Variants in ANKRD52 observed in about 807,000 individuals in gnomAD.
The protein encoded by ANKRD52 is serine/threonine-protein phosphatase 6 regulatory ankyrin repeat subunit C.
In ANKRD52, 7 loss-of-function variants were observed where a neutral mutation model predicts 116.0. The ratio of observed to expected loss-of-function variants is 0.06; its 90% CI spans 0.03 to 0.11. ANKRD52 has a LOEUF of 0.11. Ranked by LOEUF, ANKRD52 falls within the 10% of genes least tolerant of loss-of-function variation. The probability of loss-of-function intolerance (pLI) is 1.00; values close to 1 mark genes in which losing one functional copy is unlikely to be tolerated. For synonymous variants in ANKRD52, 528 were observed against 578.1 expected, an observed-to-expected ratio of 0.91 and a Z score of 1.24; for missense variants, 839 against 1,408.6, an observed-to-expected ratio of 0.60 and a Z score of 6.47.
Position 56,248,483 on chromosome 12 carries a change from C to T in ANKRD52, c.1776+12G>A, listed in dbSNP as rs764745390. 1.6e-5 allele frequency: 25 copies of T among 1,587,018 alleles called. No individual in the cohort carries two copies. Among genetic ancestry groups the T allele is most frequent in the South Asian group, 1.3e-4 (11 of 86,758 alleles). The stretch of plus-strand genomic sequence containing the variant: ...GACAAGGAAGGCAACAGAAAAAAGA[C>T]GTGGGACTCACAGCTAAGTGCAAAG... On this transcript the variant is annotated intron_variant, in intron 17 of 27. Coordinates refer to ENST00000267116, the MANE Select transcript of ANKRD52 (RefSeq NM_173595.4). The surrounding 1 kb of genome is among the most constrained non-coding windows in gnomAD (Gnocchi z 5.1).
intron 2 of ANKRD52, 114 bp from the exon 3 acceptor site, chr12:56,257,475 C>T: frequency 1.0e-6 from 1 of 975,538 alleles, no homozygotes; most frequent in Non-Finnish European, 1.6e-6. Context: ...CCCATAGTTT[C>T]TGCAGCGTCC....
Position 56,237,847 on chromosome 12 carries a change from G to A in ANKRD52, c.*5295C>T. 8.0e-7 allele frequency: 1 copy of A among 1,251,776 alleles called. No individual in the cohort carries two copies. The highest frequency in any genetic ancestry group is 1.1e-6 in the Non-Finnish European group (1 of 935,462). 77.5% of individuals were successfully genotyped at this position (1,251,776 alleles called of 1,614,324 possible). A position where few individuals can be genotyped will look rare whatever the true frequency, so the allele number is the denominator to read the frequency against. ...TTTAATAAACAGAACCCATCCCAAAGCCATGACTACGACAGTTGTACTTGC... is the reference window on the plus strand; with the variant it reads ...TTTAATAAACAGAACCCATCCCAAAACCATGACTACGACAGTTGTACTTGC... On this transcript the variant is annotated 3_prime_UTR_variant, in exon 28 of 28. Transcript: ENST00000267116.
Position 56,252,660 on chromosome 12 carries a change from C to T in ANKRD52, c.1302-90G>A, listed in dbSNP as rs1199369256. 3 of 1,544,494 alleles carry T rather than the reference C, an allele frequency of 1.9e-6. No homozygotes were observed. Among genetic ancestry groups the T allele is most frequent in the Non-Finnish European group, 2.7e-6 (3 of 1,119,678 alleles). On this transcript the variant is annotated intron_variant, in intron 12 of 27. Transcript: ENST00000267116. This position sits in a 1 kb window ranked among gnomAD's most constrained non-coding sequence, Gnocchi z 4.7. ...TAAGGAAGGATGGGACTAGCAAGCCCTTTCTGCTGTGACTGCTTTCATTGT... is the reference window on the plus strand; with the variant it reads ...TAAGGAAGGATGGGACTAGCAAGCCTTTTCTGCTGTGACTGCTTTCATTGT...
chr12:56,255,335 C>T lies in ANKRD52; in HGVS notation c.463-383G>A, dbSNP rs1054671107. The stretch of plus-strand genomic sequence containing the variant: ...TCTCCCGAGTAGCTGGGACTACAGG[C>T]GGCCGCCACCACACCCGGCTAATTT... On this transcript the variant is annotated intron_variant, in intron 5 of 27. Transcript: ENST00000267116. The surrounding 1 kb of genome is among the most constrained non-coding windows in gnomAD (Gnocchi z 4.3). Among the ~76,000 whole-genome samples the T allele has an allele frequency of 1.1e-4, 16 of 151,972 alleles. No individual in the cohort carries two copies. The highest frequency in any genetic ancestry group is 2.7e-4 in the African/African-American group (11 of 41,354).
At position 56,254,600 on chromosome 12, in the gene ANKRD52, T is replaced by C. The variant is rs1242626004; in HGVS notation, c.671A>G (p.Tyr224Cys). Residue 224 changes from tyrosine (Y) to cysteine (C), a missense_variant, in exon 7 of 28, where the codon TAC becomes TGC. Tyr to Cys is a radical substitution (Grantham distance 194). This residue lies in a region of ANKRD52 where 287 missense variants were observed against 598.1 expected (regional missense o/e 0.48). Coordinates refer to ENST00000267116, the MANE Select transcript of ANKRD52 (RefSeq NM_173595.4). This position sits in a 1 kb window ranked among gnomAD's most constrained non-coding sequence, Gnocchi z 4.6. ...AASGQIEVVKYLLRMGAEIDE... is the reference protein window; with the variant it reads ...AASGQIEVVKCLLRMGAEIDE... ...GACCTCCGCTCCCATCCGAAGCAGGTACTTCACCACTTCAATCTGGCCACT... is the reference window on the plus strand; with the variant it reads ...GACCTCCGCTCCCATCCGAAGCAGGCACTTCACCACTTCAATCTGGCCACT... 6.2e-7 allele frequency: 1 copy of C among 1,613,936 alleles called. No individual in the cohort carries two copies. The highest frequency in any genetic ancestry group is 1.7e-5 in the Admixed American group (1 of 60,008).
At chr12:56,256,631 T>C (rs1565613122) in intron 4 of ANKRD52, among the ~76,000 whole-genome samples, 2 of 152,162 alleles carry the variant, frequency 1.3e-5, no homozygotes, top group Admixed American at 6.6e-5. Context: ...CCCTGTGCTG[T>C]CAACTTTCAA....
intron 15 of ANKRD52, among the ~76,000 whole-genome samples, chr12:56,249,719 C>A (rs1210295606): frequency 1.3e-5 from 2 of 152,238 alleles, no homozygotes; most frequent in Non-Finnish European, 2.9e-5. Flanking sequence ...GCCTCGCCAA[C>A]ATGGCGAAAC....
chr12:56,253,649 A>G lies in ANKRD52; in HGVS notation c.985+73T>C. 6.6e-7 allele frequency: 1 copy of G among 1,513,002 alleles called. No individual in the cohort carries two copies. The highest frequency in any genetic ancestry group is 9.1e-7 in the Non-Finnish European group (1 of 1,096,298). The allele number at this position is 1,513,002 out of a possible 1,614,324, so 93.7% of individuals were successfully genotyped here. ...AGAGGGCAGGAGAAGGAAGTTAGGAACCTCCCTAGATTCTAGAAATGAGTT... is the reference window on the plus strand; with the variant it reads ...AGAGGGCAGGAGAAGGAAGTTAGGAGCCTCCCTAGATTCTAGAAATGAGTT... On this transcript the variant is annotated intron_variant, in intron 9 of 27. Transcript: ENST00000267116. The surrounding 1 kb of genome is among the most constrained non-coding windows in gnomAD (Gnocchi z 5.5).
At chr12:56,245,057 G>A in intron 22 of ANKRD52, 46 bp downstream of exon 22, 1 of 1,612,886 alleles carries the variant, frequency 6.2e-7, no homozygotes, top group African/African-American at 1.3e-5. Flanking sequence ...CTAAGCTCAA[G>A]TCATGGGCCC....
chr12:56,243,925 C>T lies in ANKRD52; in HGVS notation c.2889-49G>A, dbSNP rs769946321. 2 of 1,595,104 alleles carry T rather than the reference C, an allele frequency of 1.3e-6. No individual in the cohort carries two copies. The highest frequency in any genetic ancestry group is 1.8e-5 in the Admixed American group (1 of 56,716). On this transcript the variant is annotated intron_variant, in intron 26 of 27. Coordinates refer to ENST00000267116, the MANE Select transcript of ANKRD52 (RefSeq NM_173595.4). This position sits in a 1 kb window ranked among gnomAD's most constrained non-coding sequence, Gnocchi z 4.6. ...AGCTTGATGCTAAGCTGCCCTTCCA[C>T]CTCCAGACAGGGTGGCAAGGGTGCT... is the stretch of plus-strand genomic sequence containing the variant.
chr12:56,246,318 C>A (rs1348498370), intron 20 of ANKRD52, among the ~76,000 whole-genome samples: 1 of 152,244 alleles, frequency 6.6e-6, no homozygotes, highest in Non-Finnish European at 1.5e-5. Context: ...ACGTGAGCCA[C>A]CATGCCCGGC....
chr12:56,255,781 C>T lies in ANKRD52; in HGVS notation c.462+3G>A. The T allele has an allele frequency of 1.9e-6, 3 of 1,564,364 alleles. No homozygotes were observed. Among genetic ancestry groups the T allele is most frequent in the Non-Finnish European group, 2.6e-6 (3 of 1,150,880 alleles). ...GCTGGGCCTGGATGGGAACAGTCCT[C>T]ACCTCAAGATGCCCACTATGCACTG... On this transcript the variant is annotated splice_donor_region_variant and intron_variant, in intron 5 of 27. Transcript: ENST00000267116. The surrounding 1 kb of genome is among the most constrained non-coding windows in gnomAD (Gnocchi z 4.3).
rs766059072 is a variant in ANKRD52 at position 56,244,044 on chromosome 12, C to T, written c.2888+7G>A. On this transcript the variant is annotated splice_region_variant and intron_variant, in intron 26 of 27. Transcript: ENST00000267116. This position sits in a 1 kb window ranked among gnomAD's most constrained non-coding sequence, Gnocchi z 4.9. ...CCAGCCAGGAGCCCCCTTCCCCAGGCACTCACATCTGCAGCGCACTGTTGG... is the reference window on the plus strand; with the variant it reads ...CCAGCCAGGAGCCCCCTTCCCCAGGTACTCACATCTGCAGCGCACTGTTGG... The T allele has an allele frequency of 6.2e-7, 1 of 1,613,756 alleles. No individual in the cohort carries two copies. The highest frequency in any genetic ancestry group is 8.5e-7 in the Non-Finnish European group (1 of 1,179,856).
At chr12:56,246,309 C>T (rs925576701) in intron 20 of ANKRD52, among the ~76,000 whole-genome samples, 11 of 152,140 alleles carry the variant, frequency 7.2e-5, no homozygotes, top group Admixed American at 4.6e-4. Flanking sequence ...GGATTACAGA[C>T]GTGAGCCACC....
At chr12:56,257,756 C>G in intron 2 of ANKRD52, 72 bp downstream of exon 2, 1 of 1,482,824 alleles carries the variant, frequency 6.7e-7, no homozygotes, top group East Asian at 2.4e-5. Context: ...GGAGCCGCCC[C>G]ACCGGTGGGG....
chr12:56,246,919 C>CAATAATAAT (rs374443069), intron 20 of ANKRD52, among the ~76,000 whole-genome samples: 34 of 125,482 alleles, frequency 2.7e-4, no homozygotes, highest in African/African-American at 5.8e-4. Flanking sequence ...GACTCTATCT[C>CAATAATAAT]AATAATAATA....
rs1871204360 is a variant in ANKRD52, at chr12:56,242,414, G to A, written c.*728C>T. On this transcript the variant is annotated 3_prime_UTR_variant, in exon 28 of 28. Transcript: ENST00000267116. The surrounding 1 kb of genome is among the most constrained non-coding windows in gnomAD (Gnocchi z 4.3). Reference sequence around the variant, plus strand: ...CGTGGTTAGGGGCCAGGCTAGGAGTGGGAGGGAATGGGGAGGGGGCAGGCT... The same window carrying A: ...CGTGGTTAGGGGCCAGGCTAGGAGTAGGAGGGAATGGGGAGGGGGCAGGCT... 3 of 369,096 alleles carry A rather than the reference G, an allele frequency of 8.1e-6. No individual in the cohort carries two copies. The highest frequency in any genetic ancestry group is 2.1e-5 in the African/African-American group (1 of 48,246). 22.9% of individuals were successfully genotyped at this position (369,096 alleles called of 1,614,324 possible). A position where few individuals can be genotyped will look rare whatever the true frequency, so the allele number is the denominator to read the frequency against.
chr12:56,244,373 G>A lies in ANKRD52; in HGVS notation c.2785C>T (p.Leu929Phe). ...AGTACCTTGCTACAAGCCAAGTGGA[G>A]GGCCGTGTTCTTGTTCTCATCCAAC... ...TVLDENKNTA[L>F]HLACSKGHEK... is the part of the protein sequence containing the mutation. The change falls in exon 25 of 28, where the codon CTC (leucine) becomes TTC (phenylalanine). Residue 929 changes from leucine to phenylalanine, a missense_variant. By Grantham distance (22) the Leu-to-Phe change is conservative. This residue lies in a region of ANKRD52 where 552 missense variants were observed against 810.6 expected (regional missense o/e 0.68). Coordinates refer to ENST00000267116, the MANE Select transcript of ANKRD52 (RefSeq NM_173595.4). This position sits in a 1 kb window ranked among gnomAD's most constrained non-coding sequence, Gnocchi z 4.9. 1.9e-6 allele frequency: 3 copies of A among 1,613,994 alleles called. No individual in the cohort carries two copies. The highest frequency in any genetic ancestry group is 1.7e-6 in the Non-Finnish European group (2 of 1,179,884).
chr12:56,249,326 C>G (rs879263974), intron 15 of ANKRD52, among the ~76,000 whole-genome samples: 4 of 152,206 alleles, frequency 2.6e-5, no homozygotes, highest in Non-Finnish European at 5.9e-5. Context: ...TTCCTCTGTG[C>G]TCCCTTGGCA....
Sources: gnomAD v4.1 joint callset for allele counts (sites outside exome capture counted in the v4.1 genomes callset) on GRCh38, gnomAD v4.1.1 for gene constraint, gnomAD v4.1.1 regional missense constraint, Gnocchi (gnomAD v3.1) non-coding constraint, MANE v1.5 for transcripts, NCBI Gene and HGNC (gene_info 2026-07-23, HGNC 2026-07-21) for gene names.